TRPC6: variants seen among roughly 807,000 people sequenced by gnomAD.
TRPC6 encodes transient receptor potential cation channel subfamily C member 6.
Under a neutral mutation model 90.7 loss-of-function variants are expected in TRPC6, and 55 were observed. The observed-to-expected ratio is 0.61, with a 90% CI of 0.49 to 0.76. TRPC6 has a LOEUF of 0.76. TRPC6 is among the 30% of genes least tolerant of loss of function. TRPC6 has a pLI of 0.00. For missense variants in TRPC6, 989 were observed against 1,122.7 expected (o/e 0.88, Z 1.70); for synonymous variants, 393 against 393.0 (o/e 1.00, Z 0.00).
chr11:101,548,339 C>T (rs966979217), intron 1 of TRPC6, among the ~76,000 whole-genome samples: 12 of 135,840 alleles, frequency 8.8e-5, no homozygotes, highest in Admixed American at 1.6e-4. Context: ...AATTGAAATA[C>T]AATATATAAT....
At chr11:101,548,726 A>G (rs1861383302) in intron 1 of TRPC6, among the ~76,000 whole-genome samples, 1 of 151,830 alleles carries the variant, frequency 6.6e-6, no homozygotes, top group Admixed American at 6.6e-5. Context: ...ACTTTTAAGA[A>G]CATTTCCACA....
chr11:101,579,754 T>A (rs1416034765), intron 1 of TRPC6, among the ~76,000 whole-genome samples: 2 of 152,192 alleles, frequency 1.3e-5, no homozygotes, highest in African/African-American at 2.4e-5. Flanking sequence ...GGTGGGCATA[T>A]ATTTCTAGCC....
intron 1 of TRPC6, among the ~76,000 whole-genome samples, chr11:101,571,271 T>C (rs772953845): frequency 3.3e-5 from 5 of 152,104 alleles, no homozygotes; most frequent in South Asian, 2.1e-4. Context: ...CCATTCACAA[T>C]TGCTACAAAA....
intron 5 of TRPC6, among the ~76,000 whole-genome samples, chr11:101,480,257 T>C (rs1859521110): frequency 6.6e-6 from 1 of 152,160 alleles, no homozygotes; most frequent in Non-Finnish European, 1.5e-5. Flanking sequence ...AAAATGAACA[T>C]GTTATATAAA....
At chr11:101,506,015 G>GAA (rs34504825) in intron 1 of TRPC6, among the ~76,000 whole-genome samples, 10,690 of 98,344 alleles carry the variant, frequency 0.11, 570 homozygotes, top group Middle Eastern at 0.17. Context: ...CTATATCAAA[G>GAA]AAAAAAAAAA....
At chr11:101,520,417 GAACA>G (rs1335283595) in intron 1 of TRPC6, among the ~76,000 whole-genome samples, 1 of 152,026 alleles carries the variant, frequency 6.6e-6, no homozygotes, top group African/African-American at 2.4e-5. Context: ...AGCAATGTGA[GAACA>G]AACTAATATA....
chr11:101,463,970 G>C (rs1195726128), intron 10 of TRPC6, among the ~76,000 whole-genome samples: 1 of 152,144 alleles, frequency 6.6e-6, no homozygotes, highest in Non-Finnish European at 1.5e-5. Context: ...TCTAAACACT[G>C]TTTTAAATGT....
At chr11:101,567,431 G>A (rs1861862895) in intron 1 of TRPC6, among the ~76,000 whole-genome samples, 1 of 152,120 alleles carries the variant, frequency 6.6e-6, no homozygotes, top group Admixed American at 6.5e-5. Flanking sequence ...GGTGGTTGTA[G>A]GCACAGCTTC....
At chr11:101,577,835 G>C (rs1334085577) in intron 1 of TRPC6, among the ~76,000 whole-genome samples, 1 of 152,164 alleles carries the variant, frequency 6.6e-6, no homozygotes, top group Non-Finnish European at 1.5e-5. Context: ...AGAGCCTCAG[G>C]CTAGAGAGCT....
chr11:101,570,009 A>G (rs1025433632), intron 1 of TRPC6, among the ~76,000 whole-genome samples: 7 of 152,174 alleles, frequency 4.6e-5, no homozygotes, highest in Non-Finnish European at 1.0e-4. Context: ...AAGACAAGAA[A>G]TAAGTAAGAT....
intron 2 of TRPC6, among the ~76,000 whole-genome samples, chr11:101,495,741 C>T (rs570909802): frequency 6.6e-6 from 1 of 151,694 alleles, no homozygotes; most frequent in African/African-American, 2.4e-5. Flanking sequence ...ATATTATCTG[C>T]AGGTGTTGGA....
In TRPC6 at chr11:101,504,712, T is replaced by C; in HGVS notation, c.257A>G (p.Tyr86Cys). The C allele has an allele frequency of 1.9e-6, 3 of 1,594,578 alleles. No homozygotes were observed. Among genetic ancestry groups the C allele is most frequent in the Non-Finnish European group, 2.6e-6 (3 of 1,169,716 alleles). ...GRRLANRGPAYMFSDRSTSLS... is the reference protein window; with the variant it reads ...GRRLANRGPACMFSDRSTSLS... The stretch of plus-strand genomic sequence containing the variant: ...GCTTGTGGAGCGATCACTAAACATG[T>C]ATGCTGGTCCTCGATTAGCTAACCT... Residue 86 changes from tyrosine to cysteine, a missense_variant, in exon 2 of 13, where the codon TAC becomes TGC. This residue lies in a region of TRPC6 where 194 missense variants were observed against 136.5 expected (regional missense o/e 1.42). Transcript: ENST00000344327.
intron 1 of TRPC6, among the ~76,000 whole-genome samples, chr11:101,536,253 G>A (rs575032571): frequency 3.3e-5 from 5 of 152,272 alleles, no homozygotes; most frequent in Admixed American, 1.3e-4. Context: ...CAGGCTTGGT[G>A]GTTCATGCCT....
chr11:101,515,796 T>G (rs181668377), intron 1 of TRPC6, among the ~76,000 whole-genome samples: 23 of 152,298 alleles, frequency 1.5e-4, no homozygotes, highest in Non-Finnish European at 3.1e-4. Flanking sequence ...AATTATAAGT[T>G]TACTATATAT....
Position 101,560,230 on chromosome 11 carries a change from T to C in TRPC6, c.170+23104A>G, listed in dbSNP as rs79968429. Reference sequence around the variant, plus strand: ...GTGGGTGAGCCCGTTATATACTTCTTTTGGACCATTTAGCATTTGAAAAAA... The same window carrying C: ...GTGGGTGAGCCCGTTATATACTTCTCTTGGACCATTTAGCATTTGAAAAAA... On this transcript the variant is annotated intron_variant, in intron 1 of 12. Transcript: ENST00000344327. Among the ~76,000 whole-genome samples the C allele has an allele frequency of 1.9e-3, 282 of 152,182 alleles. 1 individual carries two copies. The highest frequency in any genetic ancestry group is 6.5e-3 in the African/African-American group (272 of 41,536).
chr11:101,507,531 C>T (rs1224276533), intron 1 of TRPC6, among the ~76,000 whole-genome samples: 3 of 152,026 alleles, frequency 2.0e-5, no homozygotes, highest in African/African-American at 2.4e-5. Flanking sequence ...CATCTTCCAA[C>T]AGCTGTCTAA....
chr11:101,547,289 CACAA>C (rs1861328686), intron 1 of TRPC6, among the ~76,000 whole-genome samples: 1 of 152,128 alleles, frequency 6.6e-6, no homozygotes, highest in Non-Finnish European at 1.5e-5. Flanking sequence ...CCTTTTCTTT[CACAA>C]ACACATGACA....
intron 6 of TRPC6, among the ~76,000 whole-genome samples, chr11:101,474,646 A>G (rs1304993959): frequency 6.6e-6 from 1 of 152,188 alleles, no homozygotes; most frequent in African/African-American, 2.4e-5. Flanking sequence ...ATTAAACATT[A>G]AAATAAACAT....
At chr11:101,510,609 T>C (rs150295557) in intron 1 of TRPC6, among the ~76,000 whole-genome samples, 2 of 152,322 alleles carry the variant, frequency 1.3e-5, no homozygotes, top group African/African-American at 4.8e-5. Context: ...ATACTGGTTC[T>C]AAGAAAGAGT....
Sources: allele counts gnomAD v4.1 joint callset (sites outside exome capture counted in the v4.1 genomes callset), GRCh38; gene constraint gnomAD v4.1.1; regional missense constraint gnomAD v4.1.1; transcripts MANE v1.5; gene names NCBI Gene and HGNC (gene_info 2026-07-23, HGNC 2026-07-21).